Variants in ABCF1 observed in about 807,000 individuals in gnomAD.
ABCF1 encodes the protein ATP-binding cassette sub-family F member 1.
ABCF1 carries 73 observed loss-of-function variants against 126.3 expected under a neutral mutation model. The ratio of observed to expected loss-of-function variants is 0.58; its 90% confidence interval spans 0.48 to 0.70. The LOEUF (loss-of-function observed/expected upper bound fraction) is 0.70, where lower values mean the gene tolerates loss of function less well. Among genes scored for constraint, ABCF1 ranks in the 30% least tolerant of loss-of-function variants. The pLI is 0.00. For synonymous variants in ABCF1, 345 were observed against 396.4 expected, an observed-to-expected ratio of 0.87 and a Z score of 1.54; for missense variants, 786 against 1,057.5, an observed-to-expected ratio of 0.74 and a Z score of 3.56.
intron 1 of ABCF1, among the ~76,000 whole-genome samples, chr6:30,576,248 A>G (rs1345462303): frequency 6.7e-6 from 1 of 149,630 alleles, no homozygotes; most frequent in African/African-American, 2.5e-5. Context: ...TTTGCCAGCT[A>G]AAAACACAGG....
Position 30,580,023 on chromosome 6 carries a change from A to C in ABCF1, c.564+18A>C. 1 of 1,610,820 alleles carries C rather than the reference A, an allele frequency of 6.2e-7. No homozygotes were observed. The highest frequency in any genetic ancestry group is 1.3e-5 in the African/African-American group (1 of 74,966). On this transcript the variant is annotated intron_variant, in intron 7 of 24. Coordinates refer to ENST00000326195, the MANE Select transcript of ABCF1 (RefSeq NM_001025091.2). ...AGGCTAAGGTGAGAGAGTAACTAGC[A>C]GGAGGAGGTATTGGGGCCCAGGAAT...
In ABCF1 at chr6:30,584,282, A is replaced by G; in HGVS notation, c.1193A>G (p.Gln398Arg). The G allele has an allele frequency of 6.2e-7, 1 of 1,613,094 alleles. No individual in the cohort carries two copies. Among genetic ancestry groups the G allele is most frequent in the Non-Finnish European group, 8.5e-7 (1 of 1,180,032 alleles). The change falls in exon 13 of 25, where the codon CAG (glutamine) becomes CGG (arginine). Residue 398 changes from glutamine (Q) to arginine (R), a missense_variant. Gln to Arg is a conservative substitution (Grantham distance 43). Transcript: ENST00000326195. The surrounding 1 kb of genome is among the most constrained non-coding windows in gnomAD (Gnocchi z 4.6). ...LKLLEEERRL[Q>R]GQLEQGDDTA... is the part of the protein sequence containing the mutation. ...CTGCTGGAAGAGGAGCGGCGGCTTC[A>G]GGGACAGCTGGAACAAGGGGATGAC... is the stretch of plus-strand genomic sequence containing the variant.
intron 22 of ABCF1, 68 bp from the exon 23 acceptor site, chr6:30,590,081 C>T: frequency 6.2e-7 from 1 of 1,609,012 alleles, no homozygotes; most frequent in Non-Finnish European, 8.5e-7. Context: ...CAAACTGGCA[C>T]ATCTTGAGGG....
chr6:30,583,539 C>A lies in ABCF1; in HGVS notation c.916-69C>A, dbSNP rs1801939888. On this transcript the variant is annotated intron_variant, in intron 10 of 24. Transcript: ENST00000326195. The surrounding 1 kb of genome is among the most constrained non-coding windows in gnomAD (Gnocchi z 4.1). ...TCCCTGCAGGGAGAAAGTGGCCGCTCCTGTCCCAAAGGGAGAATTTTCATG... is the reference window on the plus strand; with the variant it reads ...TCCCTGCAGGGAGAAAGTGGCCGCTACTGTCCCAAAGGGAGAATTTTCATG... The A allele has an allele frequency of 6.5e-7, 1 of 1,531,626 alleles. No individual in the cohort carries two copies. The highest frequency in any genetic ancestry group is 1.1e-5 in the South Asian group (1 of 88,570). 94.9% of individuals were successfully genotyped at this position (1,531,626 alleles called of 1,614,324 possible). A position where few individuals can be genotyped will look rare whatever the true frequency, so the allele number is the denominator to read the frequency against.
chr6:30,584,211 A>G lies in ABCF1; in HGVS notation c.1122A>G (p.Thr374=). Residue 374 remains threonine (T), a synonymous_variant, in exon 13 of 25, where the codon ACA becomes ACG. Transcript: ENST00000326195. This position sits in a 1 kb window ranked among gnomAD's most constrained non-coding sequence, Gnocchi z 4.6. ...LCEQEVVADE[T]PAVQAVLRAD... is the part of the protein sequence containing the mutation. ...TCCCAGAGGTGGTAGCAGATGAGAC[A>G]CCAGCAGTCCAGGCTGTTCTTCGAG... 1.2e-6 allele frequency: 2 copies of G among 1,612,566 alleles called. No individual in the cohort carries two copies. The highest frequency in any genetic ancestry group is 1.1e-5 in the South Asian group (1 of 91,058).
intron 9 of ABCF1, 80 bp downstream of exon 9, chr6:30,582,587 A>G: frequency 3.4e-6 from 5 of 1,475,420 alleles, no homozygotes; most frequent in East Asian, 2.3e-5. Flanking sequence ...GGGGACACGA[A>G]GGAAAGGTTT....
At chr6:30,590,440 C>A in intron 24 of ABCF1, 62 bp downstream of exon 24, 1 of 1,576,642 alleles carries the variant, frequency 6.3e-7, no homozygotes, top group Non-Finnish European at 8.6e-7. Flanking sequence ...TAGTGTCCTT[C>A]ACTACAGAAG....
At chr6:30,588,951 T>C (rs140722004) in intron 20 of ABCF1, among the ~76,000 whole-genome samples, 2,379 of 152,176 alleles carry the variant, frequency 0.016, 35 homozygotes, top group Middle Eastern at 0.034. Context: ...TCCCCTTTTG[T>C]CCCTTAACTC....
intron 1 of ABCF1, among the ~76,000 whole-genome samples, chr6:30,576,961 C>T (rs1373909486): frequency 2.0e-5 from 3 of 152,174 alleles, no homozygotes; most frequent in African/African-American, 4.8e-5. Flanking sequence ...TCTCATACTC[C>T]TCATTACTTC....
intron 9 of ABCF1, 142 bp from the exon 10 acceptor site, chr6:30,582,924 C>A: frequency 8.9e-7 from 1 of 1,117,750 alleles, no homozygotes; most frequent in Non-Finnish European, 1.3e-6. Flanking sequence ...AACTCCTGAG[C>A]TCAAGAGATC....
In ABCF1 at chr6:30,578,365, C is replaced by T. The variant is rs200790236; in HGVS notation, c.361C>T (p.Arg121Cys). The T allele has an allele frequency of 3.7e-5, 59 of 1,613,978 alleles. 1 individual carries two copies. In the East Asian group the frequency reaches 1.2e-3, roughly 33 times the overall value. ...EEDEVPAPKP[R>C]GGKKTKGGNV... ...CATTTCAGTACCCGCCCCAAAACCC[C>T]GCGGAGGGAAGAAAACCAAGGTAAG... The change falls in exon 5 of 25, where the codon CGC becomes TGC. Residue 121 changes from arginine (R) to cysteine (C), a missense_variant. Physicochemically the swap from Arg to Cys is radical, Grantham distance 180 (BLOSUM62 -3). Transcript: ENST00000326195.
Position 30,578,581 on chromosome 6 carries a change from A to G in ABCF1, c.489+4A>G. 1 of 1,612,854 alleles carries G rather than the reference A, an allele frequency of 6.2e-7. No individual in the cohort carries two copies. ...GGAGAAGAATCGGATCAATAAGGTG[A>G]CAGTGGTGGCTCGATCAGTCACTCT... On this transcript the variant is annotated splice_donor_region_variant and intron_variant, in intron 6 of 24. Transcript: ENST00000326195.
At position 30,580,448 on chromosome 6, in the gene ABCF1, A is replaced by G. The variant is rs752239920; in HGVS notation, c.607A>G (p.Lys203Glu). The change falls in exon 8 of 25, where the codon AAA (lysine) becomes GAA (glutamate). Residue 203 changes from lysine (K) to glutamate (E), a missense_variant. Lys to Glu is a moderately conservative substitution (Grantham distance 56). Coordinates refer to ENST00000326195, the MANE Select transcript of ABCF1 (RefSeq NM_001025091.2). ...TGCTCTGGACAATGAAGAGGAGGATAAAGAAGAAGAAATTATAAAGGAAAA... is the reference window on the plus strand; with the variant it reads ...TGCTCTGGACAATGAAGAGGAGGATGAAGAAGAAGAAATTATAAAGGAAAA... Reference protein sequence around the residue: ...FAALDNEEEDKEEEIIKEKEP... With the variant: ...FAALDNEEEDEEEEIIKEKEP... 1 of 1,536,312 alleles carries G rather than the reference A, an allele frequency of 6.5e-7. No homozygotes were observed. Among genetic ancestry groups the G allele is most frequent in the South Asian group, 1.3e-5 (1 of 76,934 alleles).
At position 30,578,108 on chromosome 6, in the gene ABCF1, G is replaced by A; in HGVS notation, c.249G>A (p.Arg83=). 6.2e-7 allele frequency: 1 copy of A among 1,614,146 alleles called. No individual in the cohort carries two copies. Among genetic ancestry groups the A allele is most frequent in the Non-Finnish European group, 8.5e-7 (1 of 1,180,020 alleles). Reference sequence around the variant, plus strand: ...AAAAGCGAGATACCCGAAAAGGCAGGCGGAAGAAGGATGTGGATGATGATG... The same window carrying A: ...AAAAGCGAGATACCCGAAAAGGCAGACGGAAGAAGGATGTGGATGATGATG... The part of the protein sequence containing the change: ...QKKKRDTRKG[R]RKKDVDDDGE... The change falls in exon 4 of 25, where the codon AGG becomes AGA. Residue 83 remains arginine, a synonymous_variant. Coordinates refer to ENST00000326195, the MANE Select transcript of ABCF1 (RefSeq NM_001025091.2).
chr6:30,589,610 A>AG, intron 20 of ABCF1, 78 bp from the exon 21 acceptor site: 2 of 1,540,260 alleles, frequency 1.3e-6, no homozygotes, highest in Non-Finnish European at 1.8e-6. Context: ...CTCAAAAAAA[A>AG]AAAAAAAAAG....
In ABCF1 at chr6:30,577,430, A is replaced by G. The variant is rs760375402; in HGVS notation, c.95A>G (p.Lys32Arg). Residue 32 changes from lysine (K) to arginine (R), a missense_variant, in exon 2 of 25, where the codon AAG becomes AGG. By Grantham distance (26) the Lys-to-Arg change is conservative (BLOSUM62 2). Transcript: ENST00000326195. ...SPSDKVVKKG[K>R]KDKKIKKTFF... ...CTAGACAAAGTGGTGAAGAAAGGGA[A>G]GAAGGACAAGAAGATCAAAAAAACG... 4.3e-6 allele frequency: 7 copies of G among 1,613,994 alleles called. No individual in the cohort carries two copies. In the South Asian group the frequency reaches 7.7e-5, roughly 18 times the overall value.
In ABCF1 at chr6:30,582,926, C is replaced by G. The variant is rs554147112; in HGVS notation, c.793-140C>G. The G allele has an allele frequency of 2.3e-5, 27 of 1,155,634 alleles. No homozygotes were observed. The Middle Eastern group carries it at 6.6e-4, about 28-fold the overall frequency. The allele number at this position is 1,155,634 out of a possible 1,614,324, so 71.6% of individuals were successfully genotyped here. A position where few individuals can be genotyped will look rare whatever the true frequency, so the allele number is the denominator to read the frequency against. On this transcript the variant is annotated intron_variant, in intron 9 of 24. Coordinates refer to ENST00000326195, the MANE Select transcript of ABCF1 (RefSeq NM_001025091.2). The stretch of plus-strand genomic sequence containing the variant: ...CAGGCTGGTCTCAAACTCCTGAGCT[C>G]AAGAGATCCACCTACCTCAGCCTCC...
At chr6:30,577,493 G>A in intron 2 of ABCF1, 38 bp downstream of exon 2, 1 of 1,605,982 alleles carries the variant, frequency 6.2e-7, no homozygotes, top group Non-Finnish European at 8.5e-7. Context: ...AATGACTATG[G>A]ATGTTTCCAA....
Position 30,582,419 on chromosome 6 carries a change from A to G in ABCF1, c.704A>G (p.Glu235Gly). The G allele has an allele frequency of 1.2e-6, 2 of 1,609,596 alleles. No homozygotes were observed. Among genetic ancestry groups the G allele is most frequent in the Non-Finnish European group, 8.5e-7 (1 of 1,177,146 alleles). The change falls in exon 9 of 25, where the codon GAA (glutamate) becomes GGA (glycine). Residue 235 changes from glutamate to glycine, a missense_variant. Glu to Gly is a moderately conservative substitution (Grantham distance 98). This residue lies in a region of ABCF1 where 322 missense variants were observed against 322.9 expected (regional missense o/e 1.00). Transcript: ENST00000326195. ...EQGSEEEGEGEEEEEEGGESK... is the reference protein window; with the variant it reads ...EQGSEEEGEGGEEEEEGGESK... ...GGTTCAGAGGAAGAAGGAGAAGGGG[A>G]AGAAGAGGAGGAGGAAGGAGGAGAG... is the stretch of plus-strand genomic sequence containing the variant.
Sources: allele counts gnomAD v4.1 joint callset (sites outside exome capture counted in the v4.1 genomes callset), GRCh38; gene constraint gnomAD v4.1.1; regional missense constraint gnomAD v4.1.1; non-coding constraint Gnocchi (gnomAD v3.1); transcripts MANE v1.5; gene names NCBI Gene and HGNC (gene_info 2026-07-23, HGNC 2026-07-21).